Variants in ZDHHC14 observed in about 807,000 individuals in gnomAD.
ZDHHC14 encodes the protein zDHHC palmitoyltransferase 14, also known as palmitoyltransferase ZDHHC14.
Under a neutral mutation model 47.7 loss-of-function variants are expected in ZDHHC14, and 16 were observed. That is an observed-to-expected ratio of 0.34 (90% CI 0.23 to 0.51). ZDHHC14 has a LOEUF of 0.51. Ranked by LOEUF, ZDHHC14 falls within the 20% of genes least tolerant of loss-of-function variation. The probability of loss-of-function intolerance (pLI) is 0.97; values close to 1 mark genes in which losing one functional copy is unlikely to be tolerated. For missense variants in ZDHHC14, 515 were observed against 662.5 expected (o/e 0.78, Z 2.44); for synonymous variants, 293 against 278.9 (o/e 1.05, Z -0.50).
chr6:157,651,024 C>T (rs1056356464), intron 7 of ZDHHC14, among the ~76,000 whole-genome samples: 50 of 152,188 alleles, frequency 3.3e-4, no homozygotes, highest in Admixed American at 1.3e-4. Context: ...CAGGTGGGCC[C>T]GCGGCCATGA....
chr6:157,544,580 C>T (rs572902774), intron 2 of ZDHHC14, among the ~76,000 whole-genome samples: 4 of 152,124 alleles, frequency 2.6e-5, no homozygotes, highest in East Asian at 1.9e-4. Context: ...ACCCAGGAGG[C>T]GGAGGGTTGC....
intron 8 of ZDHHC14, among the ~76,000 whole-genome samples, chr6:157,662,216 C>T (rs1303047445): frequency 4.0e-5 from 6 of 151,058 alleles, no homozygotes; most frequent in Non-Finnish European, 8.9e-5. Flanking sequence ...GAGTCTCACT[C>T]TGTCGCCCAG....
chr6:157,614,690 C>G (rs1423372309), intron 3 of ZDHHC14, among the ~76,000 whole-genome samples: 1 of 152,136 alleles, frequency 6.6e-6, no homozygotes, highest in Non-Finnish European at 1.5e-5. Flanking sequence ...CCGGGGTCAC[C>G]AGTGTGTGAC....
intron 3 of ZDHHC14, among the ~76,000 whole-genome samples, chr6:157,623,277 C>G (rs1311021293): frequency 6.6e-6 from 1 of 152,042 alleles, no homozygotes; most frequent in Non-Finnish European, 1.5e-5. Context: ...GCAGTTTCCC[C>G]CATGCTATTC....
intron 2 of ZDHHC14, among the ~76,000 whole-genome samples, chr6:157,554,585 G>A (rs369643813): frequency 1.3e-5 from 2 of 152,184 alleles, no homozygotes; most frequent in Non-Finnish European, 2.9e-5. Flanking sequence ...ATAGGCACAC[G>A]GGACTAGGGG....
At chr6:157,573,320 C>T (rs1217904735) in intron 2 of ZDHHC14, among the ~76,000 whole-genome samples, 2 of 152,208 alleles carry the variant, frequency 1.3e-5, no homozygotes, top group African/African-American at 2.4e-5. Context: ...AAAGCATCCA[C>T]GCCGGTTCCA....
intron 1 of ZDHHC14, among the ~76,000 whole-genome samples, chr6:157,418,961 C>T (rs17165318): frequency 1.7e-3 from 261 of 152,276 alleles, no homozygotes; most frequent in African/African-American, 5.9e-3. Flanking sequence ...TTGTACTGGA[C>T]GATTGCACTA....
At chr6:157,608,978 T>A (rs570583087) in intron 3 of ZDHHC14, among the ~76,000 whole-genome samples, 1 of 152,082 alleles carries the variant, frequency 6.6e-6, no homozygotes, top group East Asian at 1.9e-4. Flanking sequence ...ATTCCTGGAG[T>A]TGGGGCAAAG....
chr6:157,456,289 G>A (rs139684795), intron 1 of ZDHHC14, among the ~76,000 whole-genome samples: 2,214 of 152,194 alleles, frequency 0.015, 58 homozygotes, highest in African/African-American at 0.05. Context: ...TAGCATTTTC[G>A]GTTGATTGGC....
chr6:157,406,997 G>A (rs190635737), intron 1 of ZDHHC14, among the ~76,000 whole-genome samples: 2 of 152,276 alleles, frequency 1.3e-5, no homozygotes, highest in Admixed American at 6.5e-5. Flanking sequence ...TAGCATTGCC[G>A]TTCTCAACCT....
chr6:157,471,234 T>C (rs1413327248), intron 1 of ZDHHC14, among the ~76,000 whole-genome samples: 4 of 152,232 alleles, frequency 2.6e-5, no homozygotes, highest in African/African-American at 7.2e-5. Context: ...TGCACTGTGA[T>C]GCTCTCCCCG....
chr6:157,607,271 C>T (rs1329373453), intron 3 of ZDHHC14, among the ~76,000 whole-genome samples: 3 of 152,078 alleles, frequency 2.0e-5, no homozygotes, highest in African/African-American at 7.2e-5. Context: ...AAAATAGACT[C>T]CCTAAGATGA....
intron 3 of ZDHHC14, among the ~76,000 whole-genome samples, chr6:157,595,948 ATCT>A (rs2114898382): frequency 6.6e-6 from 1 of 152,344 alleles, no homozygotes; most frequent in South Asian, 2.1e-4. Context: ...TTGGGGCAGG[ATCT>A]AGAGGAGGAA....
chr6:157,504,971 C>G (rs373982450), intron 1 of ZDHHC14, among the ~76,000 whole-genome samples: 3 of 151,456 alleles, frequency 2.0e-5, no homozygotes, highest in African/African-American at 7.3e-5. Flanking sequence ...CCACCACACC[C>G]GGCTAATTTT....
chr6:157,672,796 G>A lies in ZDHHC14; in HGVS notation c.1141G>A (p.Glu381Lys), dbSNP rs1272820211. ...TGCAGCCACGCCCCTGCTGCAGAGC[G>A]AGCCCAGCCTCACCAGCGACGAGCT... The part of the protein sequence containing the change: ...QAAATPLLQS[E>K]PSLTSDELHL... Residue 381 changes from glutamate (E) to lysine (K), a missense_variant, in exon 9 of 9, where the codon GAG (glutamate) becomes AAG (lysine). Coordinates refer to ENST00000359775, the MANE Select transcript of ZDHHC14 (RefSeq NM_024630.3). 3.1e-6 allele frequency: 5 copies of A among 1,612,544 alleles called. No individual in the cohort carries two copies. The highest frequency in any genetic ancestry group is 3.4e-6 in the Non-Finnish European group (4 of 1,179,808).
chr6:157,382,155 G>C lies in ZDHHC14; in HGVS notation c.134G>C (p.Gly45Ala). The change falls in exon 1 of 9, where the codon GGA becomes GCA. Residue 45 changes from glycine (G) to alanine (A), a missense_variant. By Grantham distance (60) the Gly-to-Ala change is moderately conservative (BLOSUM62 0). Around this residue, in one of 4 missense-constraint regions of ZDHHC14, gnomAD observed 6 missense variants for 19.7 expected, o/e 0.31. Transcript: ENST00000359775. The stretch of plus-strand genomic sequence containing the variant: ...CGGAGGAAATGGGAGGTGTTCCCGG[G>C]AAGAAACAAGTTCTTCTGTAACGGG... ...AARRKWEVFP[G>A]RNKFFCNGRI... 6.2e-7 allele frequency: 1 copy of C among 1,613,830 alleles called. No homozygotes were observed. Among genetic ancestry groups the C allele is most frequent in the Admixed American group, 1.7e-5 (1 of 59,992 alleles).
In ZDHHC14 at chr6:157,677,288, G is replaced by A. The variant is rs550229884; in HGVS notation, c.*4166G>A. ...TGCCTCTCATTTGTTCCCTTAAAAC[G>A]TCTCTCTCTCTCATAAAACTAAGTT... is the stretch of plus-strand genomic sequence containing the variant. On this transcript the variant is annotated 3_prime_UTR_variant, in exon 9 of 9. Transcript: ENST00000359775. 6.3e-5 allele frequency: 9 copies of A among 143,754 alleles called. No individual in the cohort carries two copies. In the South Asian group the frequency reaches 1.3e-3, roughly 21 times the overall value. The allele number at this position is 143,754 out of a possible 1,614,324, so 8.9% of individuals were successfully genotyped here.
intron 1 of ZDHHC14, among the ~76,000 whole-genome samples, chr6:157,482,443 G>A (rs141151052): frequency 0.015 from 2,333 of 151,512 alleles, 31 homozygotes; most frequent in Non-Finnish European, 0.023. Context: ...AGTAGAGACC[G>A]GGGTTTCACC....
At chr6:157,503,176 C>G (rs749775895) in intron 1 of ZDHHC14, among the ~76,000 whole-genome samples, 29 of 152,194 alleles carry the variant, frequency 1.9e-4, no homozygotes, top group Non-Finnish European at 3.4e-4. Context: ...TCTGGTGGTT[C>G]TCATCTGTCT....
Sources: gnomAD v4.1 joint callset for allele counts (sites outside exome capture counted in the v4.1 genomes callset) on GRCh38, gnomAD v4.1.1 for gene constraint, gnomAD v4.1.1 regional missense constraint, MANE v1.5 for transcripts, NCBI Gene and HGNC (gene_info 2026-07-23, HGNC 2026-07-21) for gene names.